The following RPS6KC1 variants were observed in gnomAD, a reference collection of about 807,000 sequenced individuals.
RPS6KC1 encodes inactive ribosomal protein S6 kinase delta-1.
RPS6KC1 carries 54 observed loss-of-function variants against 103.8 expected under a neutral mutation model. The ratio of observed to expected loss-of-function variants is 0.52; its 90% confidence interval spans 0.42 to 0.65. The LOEUF (loss-of-function observed/expected upper bound fraction) is 0.65, where lower values mean the gene tolerates loss of function less well. RPS6KC1 is among the 30% of genes least tolerant of loss of function. RPS6KC1 has a pLI of 0.00. For missense variants in RPS6KC1, 1,151 were observed against 1,253.8 expected, an observed-to-expected ratio of 0.92 and a Z score of 1.24; for synonymous variants, 439 against 438.7, an observed-to-expected ratio of 1.00 and a Z score of -0.01.
intron 3 of RPS6KC1, among the ~76,000 whole-genome samples, chr1:213,089,657 TC>T (rs1329163550): frequency 6.6e-6 from 1 of 152,130 alleles, no homozygotes; most frequent in Non-Finnish European, 1.5e-5. Flanking sequence ...AGACGGGGTT[TC>T]ACCATGTTGG....
At chr1:213,099,264 T>C (rs1410832932) in intron 3 of RPS6KC1, among the ~76,000 whole-genome samples, 1 of 152,206 alleles carries the variant, frequency 6.6e-6, no homozygotes, top group East Asian at 1.9e-4. Flanking sequence ...TTTTCATTTA[T>C]GCTACGAGTA....
the RPS6KC1 span, among the ~76,000 whole-genome samples, chr1:213,635,445 G>T: frequency 1.3e-5 from 2 of 151,356 alleles, no homozygotes; most frequent in African/African-American, 4.8e-5. Flanking sequence ...GGCTTCCTGG[G>T]ATGCAAGGCT....
At chr1:213,235,076 T>C (rs1459773795) in intron 10 of RPS6KC1, among the ~76,000 whole-genome samples, 1 of 152,188 alleles carries the variant, frequency 6.6e-6, no homozygotes, top group East Asian at 1.9e-4. Flanking sequence ...AAAAGTAACT[T>C]TTCATATGTG....
At chr1:213,111,024 C>T (rs1015914530) in intron 4 of RPS6KC1, among the ~76,000 whole-genome samples, 1 of 151,782 alleles carries the variant, frequency 6.6e-6, no homozygotes, top group Non-Finnish European at 1.5e-5. Context: ...CAAGACTTGC[C>T]TTGCCCTTAT....
chr1:213,083,915 C>T (rs866651215), intron 3 of RPS6KC1, among the ~76,000 whole-genome samples: 4 of 152,244 alleles, frequency 2.6e-5, no homozygotes, highest in Middle Eastern at 3.4e-3. Context: ...TCCCACCTCC[C>T]CTCCATGTGT....
intron 8 of RPS6KC1, among the ~76,000 whole-genome samples, chr1:213,192,642 T>G (rs2148485512): frequency 6.6e-6 from 1 of 152,294 alleles, no homozygotes; most frequent in East Asian, 1.9e-4. Context: ...CTTGTTTACC[T>G]TTTCAGAACA....
At chr1:213,470,611 A>ATTTTTTTTTTTTTTTTTT in the RPS6KC1 span, among the ~76,000 whole-genome samples, 1 of 99,806 alleles carries the variant, frequency 1.0e-5, no homozygotes, top group African/African-American at 4.0e-5. Context: ...TTTATTCTTA[A>ATTTTTTTTTTTTTTTTTT]TTTTTTTTTT....
chr1:213,354,586 A>G, the RPS6KC1 span, among the ~76,000 whole-genome samples: 6 of 152,212 alleles, frequency 3.9e-5, no homozygotes, highest in Non-Finnish European at 2.9e-5. Flanking sequence ...TGAGAGTCCA[A>G]GGTCAAGGGG....
the RPS6KC1 span, among the ~76,000 whole-genome samples, chr1:213,377,143 A>G: frequency 6.6e-6 from 1 of 152,188 alleles, no homozygotes; most frequent in Non-Finnish European, 1.5e-5. Flanking sequence ...CTCAGGCTGA[A>G]ATGTGCTTTA....
chr1:213,679,203 G>A, the RPS6KC1 span, among the ~76,000 whole-genome samples: 1 of 152,170 alleles, frequency 6.6e-6, no homozygotes, highest in Non-Finnish European at 1.5e-5. Context: ...AGCACTCGTT[G>A]GCAATGTGAT....
intron 8 of RPS6KC1, among the ~76,000 whole-genome samples, chr1:213,221,707 T>G (rs2093836617): frequency 6.6e-6 from 1 of 152,366 alleles, no homozygotes; most frequent in East Asian, 1.9e-4. Flanking sequence ...CTTATGTTAC[T>G]TGCTCTTCCT....
rs1419164343 is a variant in RPS6KC1, at chr1:213,051,317, C to G, written c.-88C>G. 1.0e-6 allele frequency: 1 copy of G among 989,448 alleles called. No individual in the cohort carries two copies. The highest frequency in any genetic ancestry group is 2.0e-5 in the Admixed American group (1 of 49,990). The allele number at this position is 989,448 out of a possible 1,614,324, so 61.3% of individuals were successfully genotyped here. A position where few individuals can be genotyped will look rare whatever the true frequency, so the allele number is the denominator to read the frequency against. On this transcript the variant is annotated 5_prime_UTR_variant, in exon 1 of 15. Coordinates refer to ENST00000366960, the MANE Select transcript of RPS6KC1 (RefSeq NM_012424.6). ...AGCCACCGCCCCCTCGCCGCTTCGC[C>G]GCTGCGTTGGGGAACCTGGACCGCG...
the RPS6KC1 span, among the ~76,000 whole-genome samples, chr1:213,629,882 G>T: frequency 0.062 from 9,451 of 152,088 alleles, 596 homozygotes; most frequent in East Asian, 0.29. Flanking sequence ...GGTTGAAAAT[G>T]CTTTTCTTTA....
At chr1:213,819,656 A>G in the RPS6KC1 span, 1 of 152,262 alleles carries the variant, frequency 6.6e-6, no homozygotes, top group Non-Finnish European at 1.5e-5. Flanking sequence ...ATTAAATGAC[A>G]TAATGTATGT....
At chr1:213,150,381 T>C (rs1017413763) in intron 6 of RPS6KC1, among the ~76,000 whole-genome samples, 1 of 149,568 alleles carries the variant, frequency 6.7e-6, no homozygotes, top group African/African-American at 2.5e-5. Flanking sequence ...GGCAGGGTCA[T>C]AGGACAATAG....
the RPS6KC1 span, among the ~76,000 whole-genome samples, chr1:213,406,282 TG>T: frequency 4.6e-5 from 7 of 152,236 alleles, no homozygotes; most frequent in Non-Finnish European, 1.0e-4. Context: ...AAAGCTGGAC[TG>T]GAAGTTTGAT....
intron 6 of RPS6KC1, among the ~76,000 whole-genome samples, chr1:213,150,147 A>G (rs549455490): frequency 6.6e-6 from 1 of 152,068 alleles, no homozygotes; most frequent in South Asian, 2.1e-4. Context: ...ATTCAATGTT[A>G]TTATTTATAA....
chr1:213,189,886 A>G (rs2092687379), intron 8 of RPS6KC1, among the ~76,000 whole-genome samples: 1 of 152,190 alleles, frequency 6.6e-6, no homozygotes, highest in African/African-American at 2.4e-5. Context: ...TCCCATAAAT[A>G]AGTGAGTACA....
chr1:213,257,068 C>T (rs147520250), intron 12 of RPS6KC1, among the ~76,000 whole-genome samples: 1 of 152,248 alleles, frequency 6.6e-6, no homozygotes, highest in Non-Finnish European at 1.5e-5. Flanking sequence ...TAAAACAATA[C>T]TCCATCCCCT....
Sources: gnomAD v4.1 joint callset for allele counts (sites outside exome capture counted in the v4.1 genomes callset) on GRCh38, gnomAD v4.1.1 for gene constraint, MANE v1.5 for transcripts, NCBI Gene and HGNC (gene_info 2026-07-23, HGNC 2026-07-21) for gene names.